Variants in ANO3 observed in about 807,000 individuals in gnomAD.
The protein encoded by ANO3 is anoctamin-3.
In ANO3, 99 loss-of-function variants were observed where a neutral mutation model predicts 144.8. The observed-to-expected ratio is 0.68, with a 90% confidence interval of 0.58 to 0.81. ANO3 has a LOEUF of 0.81. Among genes scored for constraint, ANO3 ranks in the 30% least tolerant of loss-of-function variants. The pLI is 0.00. For synonymous variants in ANO3, 414 were observed against 392.6 expected (o/e 1.05, Z -0.64); for missense variants, 905 against 1,202.2 (o/e 0.75, Z 3.66).
chr11:26,593,363 TC>T (rs532183394), intron 14 of ANO3, among the ~76,000 whole-genome samples: 435 of 152,238 alleles, frequency 2.9e-3, no homozygotes, highest in Non-Finnish European at 4.8e-3. Flanking sequence ...AGAGTAAAGT[TC>T]CCCAGTCACA....
chr11:26,586,552 G>A (rs945937803), intron 14 of ANO3, among the ~76,000 whole-genome samples: 3 of 113,780 alleles, frequency 2.6e-5, no homozygotes, highest in Non-Finnish European at 5.2e-5. Context: ...CGCCAGGCTG[G>A]AGTGCAGTGG....
At chr11:26,353,488 A>G (rs1166982604) in intron 1 of ANO3, among the ~76,000 whole-genome samples, 1 of 152,116 alleles carries the variant, frequency 6.6e-6, no homozygotes, top group Non-Finnish European at 1.5e-5. Context: ...GAATCTATCC[A>G]ATTTTTCAAA....
At chr11:26,500,779 CA>C (rs1363043875) in intron 4 of ANO3, among the ~76,000 whole-genome samples, 2 of 149,670 alleles carry the variant, frequency 1.3e-5, no homozygotes, top group Non-Finnish European at 3.0e-5. Context: ...GTATATTTTG[CA>C]GAAAAAAAAA....
At chr11:26,399,319 G>T (rs1008583304) in intron 1 of ANO3, among the ~76,000 whole-genome samples, 2 of 151,870 alleles carry the variant, frequency 1.3e-5, no homozygotes, top group African/African-American at 4.8e-5. Context: ...GGCTTTCAAT[G>T]ATAAAGTACC....
At chr11:26,602,992 A>G (rs1211427871) in intron 17 of ANO3, among the ~76,000 whole-genome samples, 2 of 152,334 alleles carry the variant, frequency 1.3e-5, no homozygotes, top group East Asian at 3.9e-4. Context: ...CAATCATGAA[A>G]GAAATTGAAA....
chr11:26,210,110 T>C (rs1851901869), intron 1 of ANO3, among the ~76,000 whole-genome samples: 1 of 152,228 alleles, frequency 6.6e-6, no homozygotes, highest in African/African-American at 2.4e-5. Context: ...ATGGTTTTTA[T>C]GGTTTTAGGT....
chr11:26,193,208 C>G (rs966158715), intron 1 of ANO3, among the ~76,000 whole-genome samples: 5 of 137,680 alleles, frequency 3.6e-5, no homozygotes, highest in Non-Finnish European at 7.6e-5. Flanking sequence ...ATGGCGCCAT[C>G]TCGGCTCACC....
chr11:26,443,879 C>A, intron 3 of ANO3, 43 bp downstream of exon 3: 1 of 1,331,794 alleles, frequency 7.5e-7, no homozygotes, highest in Non-Finnish European at 1.1e-6. Context: ...TCCCTCTCTC[C>A]AAAGGTAAGC....
rs568600552 is a variant in ANO3 at position 26,507,723 on chromosome 11, A to T, written c.433-381A>T. Among the ~76,000 whole-genome samples the T allele has an allele frequency of 7.9e-5, 12 of 152,312 alleles. No individual in the cohort carries two copies. The South Asian group carries it at 2.5e-3, about 32-fold the overall frequency. On this transcript the variant is annotated intron_variant, in intron 4 of 26. Coordinates refer to ENST00000256737, the MANE Select transcript of ANO3 (RefSeq NM_031418.4). ...GAAAGCACTTATGTCTGGTCATGAT[A>T]TTTAGTAAATACTCAACATATGTTA...
intron 1 of ANO3, among the ~76,000 whole-genome samples, chr11:26,292,904 C>T (rs982751788): frequency 6.6e-6 from 1 of 152,164 alleles, no homozygotes; most frequent in African/African-American, 2.4e-5. Flanking sequence ...AGGAGGCAGT[C>T]TGTCCGTTCT....
In ANO3 at chr11:26,609,468, T is replaced by C. The variant is rs150813317; in HGVS notation, c.1836+9754T>C. Among the ~76,000 whole-genome samples the C allele has an allele frequency of 4.0e-4, 60 of 150,768 alleles. 1 individual carries two copies. The East Asian group carries it at 9.3e-3, about 23-fold the overall frequency. ...GGATATCACATGCAGGATTCACATA[T>C]CCTGCAAGATATCACATGCAGGATT... On this transcript the variant is annotated intron_variant, in intron 17 of 26. Coordinates refer to ENST00000256737, the MANE Select transcript of ANO3 (RefSeq NM_031418.4).
At chr11:26,339,891 T>C (rs1339501231) in intron 1 of ANO3, among the ~76,000 whole-genome samples, 2 of 152,198 alleles carry the variant, frequency 1.3e-5, no homozygotes, top group African/African-American at 4.8e-5. Context: ...TTACTTTAAA[T>C]TCCGACTGGT....
At chr11:26,267,447 T>C (rs1853341080) in intron 1 of ANO3, among the ~76,000 whole-genome samples, 1 of 152,222 alleles carries the variant, frequency 6.6e-6, no homozygotes, top group African/African-American at 2.4e-5. Flanking sequence ...TGTATTTTTA[T>C]ATGGATAATA....
At chr11:26,425,532 T>C (rs932412102) in intron 1 of ANO3, among the ~76,000 whole-genome samples, 4 of 152,088 alleles carry the variant, frequency 2.6e-5, no homozygotes, top group African/African-American at 9.7e-5. Context: ...TTAAGGTAAA[T>C]ATAACTACTG....
chr11:26,607,833 T>G (rs543698740), intron 17 of ANO3, among the ~76,000 whole-genome samples: 31 of 152,326 alleles, frequency 2.0e-4, no homozygotes, highest in African/African-American at 7.0e-4. Context: ...TAGCACCTCC[T>G]CTAACCTTTT....
At chr11:26,315,708 T>TCTAC (rs1265834953) in intron 1 of ANO3, among the ~76,000 whole-genome samples, 42 of 151,666 alleles carry the variant, frequency 2.8e-4, no homozygotes, top group Admixed American at 1.8e-3. Context: ...TATCTATCTA[T>TCTAC]CTACCTACCT....
At chr11:26,654,029 C>T (rs1164841910) in intron 24 of ANO3, among the ~76,000 whole-genome samples, 1 of 152,050 alleles carries the variant, frequency 6.6e-6, no homozygotes, top group Non-Finnish European at 1.5e-5. Context: ...GGTCTATTGC[C>T]TTTCCTTGTA....
intron 14 of ANO3, among the ~76,000 whole-genome samples, chr11:26,564,757 A>ATTTTCTT: frequency 1.2e-5 from 1 of 82,728 alleles, no homozygotes; most frequent in Non-Finnish European, 2.5e-5. Context: ...ATATATATAT[A>ATTTTCTT]TATATATATA....
chr11:26,382,916 G>A (rs1305859337), intron 1 of ANO3, among the ~76,000 whole-genome samples: 6 of 151,978 alleles, frequency 3.9e-5, no homozygotes, highest in Non-Finnish European at 8.8e-5. Context: ...ATCCTTATAG[G>A]GCAATTACAA....
Sources: allele counts gnomAD v4.1 joint callset (sites outside exome capture counted in the v4.1 genomes callset), GRCh38; gene constraint gnomAD v4.1.1; transcripts MANE v1.5; gene names NCBI Gene and HGNC (gene_info 2026-07-23, HGNC 2026-07-21).